MINAR1: variants seen among roughly 807,000 people sequenced by gnomAD.
MINAR1 encodes the protein membrane integral NOTCH2 associated receptor 1.
Under a neutral mutation model 65.1 loss-of-function variants are expected in MINAR1, and 40 were observed. That is an observed-to-expected ratio of 0.61 (90% confidence interval 0.48 to 0.80). The LOEUF is 0.80. MINAR1 is among the 30% of genes least tolerant of loss of function. The pLI is 0.00. For synonymous variants in MINAR1, 482 were observed against 449.1 expected, an observed-to-expected ratio of 1.07 and a Z score of -0.93; for missense variants, 1,128 against 1,148.0, an observed-to-expected ratio of 0.98 and a Z score of 0.25.
intron 1 of MINAR1, among the ~76,000 whole-genome samples, chr15:79,446,032 G>C (rs968351386): frequency 6.6e-6 from 1 of 151,986 alleles, no homozygotes; most frequent in Non-Finnish European, 1.5e-5. Flanking sequence ...GTTATACTTT[G>C]CTTCTTTATT....
At chr15:79,428,609 C>A (rs188990568), upstream of MINAR1, among the ~76,000 whole-genome samples, 44 of 151,954 alleles carry the variant, frequency 2.9e-4, no homozygotes, top group Admixed American at 2.6e-3. Flanking sequence ...GAGGCTTCCA[C>A]TTTCCATTTA....
chr15:79,449,043 C>T lies in MINAR1; in HGVS notation c.-50-7055C>T, dbSNP rs556602180. On this transcript the variant is annotated intron_variant, in intron 1 of 3. Transcript: ENST00000305428. ...GTGGCATGAGAAATGAACAAGGTGC[C>T]ACAGGGTAATGGGAAAAAAAATCAG... Among the ~76,000 whole-genome samples the T allele has an allele frequency of 2.0e-5, 3 of 152,238 alleles. No homozygotes were observed. The East Asian group carries it at 5.8e-4, about 29-fold the overall frequency.
In MINAR1 at chr15:79,463,142, G is replaced by T. The variant is rs762997639; in HGVS notation, c.2374G>T (p.Val792Leu). The T allele has an allele frequency of 1.9e-6, 3 of 1,614,182 alleles. No individual in the cohort carries two copies. The highest frequency in any genetic ancestry group is 2.5e-6 in the Non-Finnish European group (3 of 1,180,040). ...QPKDGFLVEQ[V>L]FSPHPYPASL... Reference sequence around the variant, plus strand: ...CAAAGATGGCTTCCTGGTGGAGCAGGTGTTCAGCCCTCACCCCTACCCTGC... The same window carrying T: ...CAAAGATGGCTTCCTGGTGGAGCAGTTGTTCAGCCCTCACCCCTACCCTGC... Residue 792 changes from valine (V) to leucine (L), a missense_variant, in exon 3 of 4, where the codon GTG becomes TTG. By Grantham distance (32) the Val-to-Leu change is conservative. Coordinates refer to ENST00000305428, the MANE Select transcript of MINAR1 (RefSeq NM_015206.3).
chr15:79,453,544 A>G (rs1287813776), intron 1 of MINAR1, among the ~76,000 whole-genome samples: 4 of 152,128 alleles, frequency 2.6e-5, no homozygotes, highest in Non-Finnish European at 4.4e-5. Flanking sequence ...TTCCACTGCT[A>G]CAGAGCCCGG....
rs543885286 is a variant in MINAR1 at position 79,452,333 on chromosome 15, AGTGTGACTGAAGCT to A, written c.-50-3758_-50-3745del. On this transcript the variant is annotated intron_variant, in intron 1 of 3. Transcript: ENST00000305428. ...GTGTCTGGATGTGTGTGTCTGGATG[AGTGTGACTGAAGCT>A]GTGTGAGTGTGTCTGGGTATATGTA... Among the ~76,000 whole-genome samples, 78 of 151,476 alleles carry A rather than the reference AGTGTGACTGAAGCT, an allele frequency of 5.1e-4. 2 individuals are homozygous for A. The South Asian group carries it at 0.015, about 28-fold the overall frequency.
intron 1 of MINAR1, among the ~76,000 whole-genome samples, chr15:79,448,169 T>G (rs1392924575): frequency 6.6e-6 from 1 of 152,260 alleles, no homozygotes; most frequent in African/African-American, 2.4e-5. Flanking sequence ...AATCAGAGTT[T>G]TTCACATTCT....
At position 79,471,546 on chromosome 15, in the gene MINAR1, A is replaced by T. The variant is rs1003520504; in HGVS notation, c.*3162A>T. On this transcript the variant is annotated 3_prime_UTR_variant, in exon 4 of 4. Coordinates refer to ENST00000305428, the MANE Select transcript of MINAR1 (RefSeq NM_015206.3). ...TCATAAATTGTTAGTATTTTAAGGTATGCAACTATGTGATTGACATCTGTA... is the reference window on the plus strand; with the variant it reads ...TCATAAATTGTTAGTATTTTAAGGTTTGCAACTATGTGATTGACATCTGTA... 6.6e-6 allele frequency: 1 copy of T among 152,618 alleles called. No individual in the cohort carries two copies. 9.5% of individuals were successfully genotyped at this position (152,618 alleles called of 1,614,324 possible).
chr15:79,457,738 A>C lies in MINAR1; in HGVS notation c.1591A>C (p.Ser531Arg). 6.2e-7 allele frequency: 1 copy of C among 1,614,246 alleles called. No homozygotes were observed. Among genetic ancestry groups the C allele is most frequent in the African/African-American group, 1.3e-5 (1 of 75,066 alleles). ...IFRFLDDMSI[S>R]GSTGVIQSSC... ...CCGATTTCTTGATGACATGAGCATCAGTGGCTCCACGGGAGTGATACAGTC... is the reference window on the plus strand; with the variant it reads ...CCGATTTCTTGATGACATGAGCATCCGTGGCTCCACGGGAGTGATACAGTC... The change falls in exon 2 of 4, where the codon AGT (serine) becomes CGT (arginine). Residue 531 changes from serine to arginine, a missense_variant. Transcript: ENST00000305428.
At chr15:79,430,262 A>G (rs553354347), upstream of MINAR1, among the ~76,000 whole-genome samples, 45 of 152,186 alleles carry the variant, frequency 3.0e-4, no homozygotes, top group Non-Finnish European at 5.7e-4. Context: ...GCAGATTTTT[A>G]CTGAATCTGA....
chr15:79,463,314 AC>A lies in MINAR1; in HGVS notation c.2548del (p.Leu850CysfsTer7), dbSNP rs1349058633. 2 of 1,612,308 alleles carry A rather than the reference AC, an allele frequency of 1.2e-6. No homozygotes were observed. The highest frequency in any genetic ancestry group is 1.7e-6 in the Non-Finnish European group (2 of 1,178,648). Reference protein sequence around the residue: ...AGDKGKLTALDLQTQESLNPN... With the variant: ...AGDKGKLTALXLQTQESLNPN... ...GACAAGGGCAAGCTGACAGCCCTGG[AC>A]CTGCAGGTGAGCCTCTCACTGTCCC... On this transcript the variant is annotated frameshift_variant, in exon 3 of 4. Coordinates refer to ENST00000305428, the MANE Select transcript of MINAR1 (RefSeq NM_015206.3). LOFTEE classifies it high-confidence loss of function.
At position 79,456,419 on chromosome 15, in the gene MINAR1, T is replaced by C; in HGVS notation, c.272T>C (p.Phe91Ser). Residue 91 changes from phenylalanine to serine, a missense_variant, in exon 2 of 4, where the codon TTC becomes TCC. By Grantham distance (155) the Phe-to-Ser change is radical (BLOSUM62 -2). Coordinates refer to ENST00000305428, the MANE Select transcript of MINAR1 (RefSeq NM_015206.3). The part of the protein sequence containing the change: ...IMVAADIVTI[F>S]NLIQMNGGAA... ...GTGGCAGCAGATATTGTGACGATAT[T>C]CAACCTGATCCAAATGAATGGCGGG... is the stretch of plus-strand genomic sequence containing the variant. 1 of 1,614,208 alleles carries C rather than the reference T, an allele frequency of 6.2e-7. No homozygotes were observed. Among genetic ancestry groups the C allele is most frequent in the Non-Finnish European group, 8.5e-7 (1 of 1,180,042 alleles).
chr15:79,446,455 T>G (rs1198172186), intron 1 of MINAR1, among the ~76,000 whole-genome samples: 1 of 152,138 alleles, frequency 6.6e-6, no homozygotes, highest in Non-Finnish European at 1.5e-5. Flanking sequence ...TCTTTACTTC[T>G]GAATAATAGT....
At chr15:79,421,877 G>A in the MINAR1 span, 2 of 139,284 alleles carry the variant, frequency 1.4e-5, no homozygotes, top group East Asian at 2.0e-4. Flanking sequence ...AGGGAAAAGG[G>A]TGGGTCGCCT....
rs748743854 is a variant in MINAR1, at chr15:79,457,060, G to A, written c.913G>A (p.Glu305Lys). 1 of 1,614,128 alleles carries A rather than the reference G, an allele frequency of 6.2e-7. No homozygotes were observed. Among genetic ancestry groups the A allele is most frequent in the Non-Finnish European group, 8.5e-7 (1 of 1,180,018 alleles). ...HKPPFFNHSF[E>K]MPYNSQYLNP... ...GCCACCCTTCTTCAACCACAGCTTT[G>A]AAATGCCCTATAACAGCCAGTACCT... Residue 305 changes from glutamate to lysine, a missense_variant, in exon 2 of 4, where the codon GAA becomes AAA. Physicochemically the swap from Glu to Lys is moderately conservative, Grantham distance 56. Coordinates refer to ENST00000305428, the MANE Select transcript of MINAR1 (RefSeq NM_015206.3).
At chr15:79,447,510 T>C (rs1213957654) in intron 1 of MINAR1, among the ~76,000 whole-genome samples, 10 of 152,314 alleles carry the variant, frequency 6.6e-5, no homozygotes, top group Non-Finnish European at 1.5e-5. Flanking sequence ...GGTGATTTTG[T>C]GTCTGCTGAT....
chr15:79,441,880 T>C (rs892169791), intron 1 of MINAR1, among the ~76,000 whole-genome samples: 1 of 152,136 alleles, frequency 6.6e-6, no homozygotes, highest in Admixed American at 6.5e-5. Flanking sequence ...ATCAAACAAA[T>C]TGCTGTTCTA....
At position 79,458,160 on chromosome 15, in the gene MINAR1, C is replaced by T. The variant is rs745895934; in HGVS notation, c.2013C>T (p.His671=). The change falls in exon 2 of 4, where the codon CAC becomes CAT. Residue 671 remains histidine, a synonymous_variant. Transcript: ENST00000305428. ...TGTTCCACGCACACAGTGGCTCCCA[C>T]GGACCCAAACTAGAGAACAACCCTG... The part of the protein sequence containing the change: ...PRMFHAHSGS[H]GPKLENNPDW... The T allele has an allele frequency of 2.2e-5, 35 of 1,614,084 alleles. No individual in the cohort carries two copies. The highest frequency in any genetic ancestry group is 3.3e-5 in the South Asian group (3 of 91,084).
rs904876343 is a variant in MINAR1, at chr15:79,463,183, C to T, written c.2415C>T (p.His805=). The T allele has an allele frequency of 1.2e-6, 2 of 1,614,232 alleles. No homozygotes were observed. The highest frequency in any genetic ancestry group is 1.7e-6 in the Non-Finnish European group (2 of 1,180,044). The change falls in exon 3 of 4, where the codon CAC becomes CAT. Residue 805 remains histidine, a synonymous_variant. Transcript: ENST00000305428. ...PHPYPASLKA[H]MKSNPLYTDM... ...CCTACCCTGCCTCCCTCAAGGCCCA[C>T]ATGAAGAGCAACCCCCTGTACACAG... is the stretch of plus-strand genomic sequence containing the variant.
At chr15:79,464,538 A>G (rs1471636521) in intron 3 of MINAR1, among the ~76,000 whole-genome samples, 1 of 152,250 alleles carries the variant, frequency 6.6e-6, no homozygotes, top group South Asian at 2.1e-4. Context: ...CCATCTGGCA[A>G]TAAGTCTCAT....
Sources: gnomAD v4.1 joint callset for allele counts (sites outside exome capture counted in the v4.1 genomes callset) on GRCh38, gnomAD v4.1.1 for gene constraint, MANE v1.5 for transcripts, NCBI Gene and HGNC (gene_info 2026-07-23, HGNC 2026-07-21) for gene names.